FSTL5: variants seen among roughly 807,000 people sequenced by gnomAD.
The protein encoded by FSTL5 is follistatin like 5, also known as follistatin-related protein 5.
FSTL5 carries 62 observed loss-of-function variants against 89.1 expected under a neutral mutation model. That is an observed-to-expected ratio of 0.70 (90% CI 0.57 to 0.86). FSTL5 has a LOEUF of 0.86. Among genes scored for constraint, FSTL5 ranks in the 40% least tolerant of loss-of-function variants. FSTL5 has a pLI of 0.00. For synonymous variants in FSTL5, 383 were observed against 346.2 expected, an observed-to-expected ratio of 1.11 and a Z score of -1.18; for missense variants, 1,057 against 1,001.6, an observed-to-expected ratio of 1.06 and a Z score of -0.75.
Position 161,663,293 on chromosome 4 carries a change from C to A in FSTL5, c.728-6799G>T, listed in dbSNP as rs568964012. Among the ~76,000 whole-genome samples, 8 of 152,314 alleles carry A rather than the reference C, an allele frequency of 5.3e-5. No individual in the cohort carries two copies. The Middle Eastern group carries it at 0.01, about 194-fold the overall frequency. On this transcript the variant is annotated intron_variant, in intron 6 of 15. Transcript: ENST00000306100. ...AAAAGTCCACAGTCCAAAGTCTCAT[C>A]TGAGACAAGGCAAGTCCCTTTCTCC...
intron 15 of FSTL5, among the ~76,000 whole-genome samples, chr4:161,451,196 T>G (rs1733151367): frequency 3.9e-5 from 1 of 25,616 alleles, no homozygotes; most frequent in Admixed American, 3.4e-4. Context: ...CCATAATCTC[T>G]TCAACTTTAA....
intron 1 of FSTL5, among the ~76,000 whole-genome samples, chr4:162,126,994 C>T (rs1353987815): frequency 1.3e-5 from 2 of 152,114 alleles, no homozygotes; most frequent in African/African-American, 4.8e-5. Context: ...GCCTGACTGT[C>T]GTGGTTTTTT....
intron 6 of FSTL5, among the ~76,000 whole-genome samples, chr4:161,685,083 C>T (rs528758205): frequency 6.6e-6 from 1 of 151,992 alleles, no homozygotes; most frequent in Non-Finnish European, 1.5e-5. Flanking sequence ...TTACTGGGTT[C>T]TTTATTCTGT....
intron 1 of FSTL5, among the ~76,000 whole-genome samples, chr4:162,147,014 T>A (rs1483086065): frequency 6.6e-6 from 1 of 151,998 alleles, no homozygotes; most frequent in East Asian, 1.9e-4. Flanking sequence ...ACTCCTGACC[T>A]CAAGTGATCT....
intron 15 of FSTL5, among the ~76,000 whole-genome samples, chr4:161,419,697 G>A (rs574349284): frequency 6.6e-6 from 1 of 152,206 alleles, no homozygotes; most frequent in African/African-American, 2.4e-5. Context: ...AATTGCAACT[G>A]GCCCTGTCTC....
chr4:161,984,607 C>G (rs1340337626), intron 3 of FSTL5, among the ~76,000 whole-genome samples: 1 of 152,068 alleles, frequency 6.6e-6, no homozygotes, highest in African/African-American at 2.4e-5. Flanking sequence ...GCTAGTCTCT[C>G]TAACTCCTGG....
At chr4:162,008,662 G>A (rs1736678265) in intron 3 of FSTL5, among the ~76,000 whole-genome samples, 1 of 151,760 alleles carries the variant, frequency 6.6e-6, no homozygotes, top group Admixed American at 6.6e-5. Flanking sequence ...GTTTTTATCT[G>A]TGTTATAGGA....
At chr4:161,810,653 T>A (rs1432057337) in intron 4 of FSTL5, among the ~76,000 whole-genome samples, 1 of 152,198 alleles carries the variant, frequency 6.6e-6, no homozygotes, top group Non-Finnish European at 1.5e-5. Context: ...ACCTTGGGCA[T>A]GTTACTTAAA....
chr4:162,061,523 C>T (rs1228020934), intron 2 of FSTL5, among the ~76,000 whole-genome samples: 1 of 152,130 alleles, frequency 6.6e-6, no homozygotes, highest in Non-Finnish European at 1.5e-5. Flanking sequence ...AAGCAGCAGA[C>T]ACCACTCCTA....
intron 15 of FSTL5, among the ~76,000 whole-genome samples, chr4:161,449,201 TTG>T (rs759571504): frequency 6.6e-6 from 1 of 151,984 alleles, no homozygotes; most frequent in Admixed American, 6.6e-5. Flanking sequence ...ATAAATACAC[TTG>T]CATGCACACA....
intron 4 of FSTL5, among the ~76,000 whole-genome samples, chr4:161,872,825 G>GT (rs553154222): frequency 2.4e-4 from 37 of 152,152 alleles, no homozygotes; most frequent in South Asian, 8.3e-4. Context: ...TAAGGATTAT[G>GT]TTTTTTATTT....
chr4:161,989,780 T>C (rs1156330865), intron 3 of FSTL5, among the ~76,000 whole-genome samples: 1 of 152,136 alleles, frequency 6.6e-6, no homozygotes, highest in Non-Finnish European at 1.5e-5. Flanking sequence ...CAGTGATGGA[T>C]CTTTAGTAAC....
chr4:162,144,997 GTATATTCATATACAATGAATACAATA>G (rs1732916491), intron 1 of FSTL5, among the ~76,000 whole-genome samples: 1 of 147,816 alleles, frequency 6.8e-6, no homozygotes, highest in African/African-American at 2.6e-5. Context: ...TTCATTGTAT[GTATATTCATATACAATGAATACAATA>G]TATATTCATT....
At chr4:161,395,883 T>C (rs1730978677) in intron 15 of FSTL5, among the ~76,000 whole-genome samples, 1 of 152,082 alleles carries the variant, frequency 6.6e-6, no homozygotes, top group South Asian at 2.1e-4. Flanking sequence ...GACAAACAGT[T>C]GAACTAATAC....
chr4:162,013,131 C>A (rs1736816365), intron 3 of FSTL5, among the ~76,000 whole-genome samples: 1 of 151,200 alleles, frequency 6.6e-6, no homozygotes, highest in Admixed American at 6.6e-5. Flanking sequence ...TTGTAATGAG[C>A]CGAGATCTTG....
chr4:161,895,781 A>G (rs1733136694), intron 4 of FSTL5, among the ~76,000 whole-genome samples: 1 of 152,072 alleles, frequency 6.6e-6, no homozygotes, highest in Non-Finnish European at 1.5e-5. Flanking sequence ...GCATATCACA[A>G]CGTATTTTTG....
intron 7 of FSTL5, among the ~76,000 whole-genome samples, chr4:161,635,512 T>G (rs1735658003): frequency 6.6e-6 from 1 of 151,336 alleles, no homozygotes; most frequent in Admixed American, 6.6e-5. Flanking sequence ...AAAATCCATC[T>G]AGCAAATCTA....
chr4:162,017,525 T>C (rs890659088), intron 3 of FSTL5, among the ~76,000 whole-genome samples: 21 of 152,202 alleles, frequency 1.4e-4, no homozygotes, highest in African/African-American at 5.1e-4. Context: ...TGGGTGTCTA[T>C]TGCCATTTTG....
At chr4:161,948,017 C>T (rs1734782080) in intron 3 of FSTL5, among the ~76,000 whole-genome samples, 1 of 151,812 alleles carries the variant, frequency 6.6e-6, no homozygotes, top group South Asian at 2.1e-4. Context: ...TGGCTCACAC[C>T]TGTAATCCCA....
Sources: allele counts gnomAD v4.1 joint callset (sites outside exome capture counted in the v4.1 genomes callset), GRCh38; gene constraint gnomAD v4.1.1; transcripts MANE v1.5; gene names NCBI Gene and HGNC (gene_info 2026-07-23, HGNC 2026-07-21).